Variants in ADK observed in about 807,000 individuals in gnomAD.
ADK encodes adenosine kinase.
A neutral mutation model predicts 44.7 loss-of-function variants in ADK; 24 were observed. That is an observed-to-expected ratio of 0.54 (90% confidence interval 0.39 to 0.76). The LOEUF is 0.76. Ranked by LOEUF, ADK falls within the 30% of genes least tolerant of loss-of-function variation. ADK has a pLI of 0.00. For synonymous variants in ADK, 128 were observed against 142.6 expected, an observed-to-expected ratio of 0.90 and a Z score of 0.73; for missense variants, 321 against 425.1, an observed-to-expected ratio of 0.76 and a Z score of 2.15.
intron 3 of ADK, among the ~76,000 whole-genome samples, chr10:74,273,427 A>G (rs541536999): frequency 5.5e-4 from 83 of 151,538 alleles, no homozygotes; most frequent in African/African-American, 1.9e-3. Context: ...CCTCTGCCCA[A>G]TTCGGCTTTC....
chr10:74,342,832 G>C (rs1265000678), intron 4 of ADK, among the ~76,000 whole-genome samples: 1 of 127,608 alleles, frequency 7.8e-6, no homozygotes, highest in East Asian at 2.2e-4. Context: ...TATTGATCTT[G>C]TATCCTACAG....
At chr10:74,496,433 G>C (rs1847689963) in intron 6 of ADK, among the ~76,000 whole-genome samples, 1 of 152,170 alleles carries the variant, frequency 6.6e-6, no homozygotes, top group South Asian at 2.1e-4. Flanking sequence ...ATAAGCATCT[G>C]GCATTTCCGC....
At chr10:74,267,629 AG>A (rs1466034339) in intron 3 of ADK, among the ~76,000 whole-genome samples, 1 of 152,146 alleles carries the variant, frequency 6.6e-6, no homozygotes, top group Non-Finnish European at 1.5e-5. Context: ...ATATCTAAAA[AG>A]ATGTTGGTAT....
intron 10 of ADK, among the ~76,000 whole-genome samples, chr10:74,674,009 G>A (rs1855290527): frequency 6.6e-6 from 1 of 152,060 alleles, no homozygotes; most frequent in Admixed American, 6.6e-5. Flanking sequence ...CTGAGCCTGG[G>A]GTTTTTATGG....
intron 7 of ADK, among the ~76,000 whole-genome samples, chr10:74,539,094 G>C (rs1001699602): frequency 5.3e-5 from 8 of 152,072 alleles, no homozygotes; most frequent in African/African-American, 1.9e-4. Flanking sequence ...TGGAGCACAT[G>C]TTTGGGAGGA....
chr10:74,478,343 C>G (rs556944258), intron 6 of ADK, among the ~76,000 whole-genome samples: 2 of 152,202 alleles, frequency 1.3e-5, no homozygotes, highest in African/African-American at 2.4e-5. Context: ...CCTCAGCCTC[C>G]TGAGTGTCAG....
chr10:74,161,961 T>C (rs529314744), intron 1 of ADK, among the ~76,000 whole-genome samples: 2 of 152,248 alleles, frequency 1.3e-5, no homozygotes, highest in African/African-American at 4.8e-5. Context: ...TGCCTCGGCC[T>C]CCTAAAGTGC....
chr10:74,275,868 T>C (rs1846652560), intron 3 of ADK, among the ~76,000 whole-genome samples: 1 of 152,144 alleles, frequency 6.6e-6, no homozygotes, highest in African/African-American at 2.4e-5. Flanking sequence ...CTTTAACTCC[T>C]GACCTCAGGT....
chr10:74,360,815 C>T (rs910917699), intron 4 of ADK, among the ~76,000 whole-genome samples: 13 of 152,264 alleles, frequency 8.5e-5, no homozygotes, highest in African/African-American at 2.9e-4. Flanking sequence ...CCTTCACTTT[C>T]AGCATCTATG....
chr10:74,209,183 A>G (rs930536379), intron 2 of ADK, among the ~76,000 whole-genome samples: 7 of 152,198 alleles, frequency 4.6e-5, no homozygotes, highest in Non-Finnish European at 8.8e-5. Context: ...GAATGGGGTT[A>G]GCACACTTGT....
chr10:74,193,621 T>A (rs768007126), intron 1 of ADK, among the ~76,000 whole-genome samples: 34 of 151,790 alleles, frequency 2.2e-4, no homozygotes, highest in Non-Finnish European at 8.8e-5. Context: ...CCAGTCTCTA[T>A]TAAAAAGAAA....
chr10:74,404,549 A>G (rs1843840780), intron 6 of ADK, among the ~76,000 whole-genome samples: 1 of 152,162 alleles, frequency 6.6e-6, no homozygotes, highest in Admixed American at 6.5e-5. Flanking sequence ...CCAGATATAT[A>G]GTTCTAGTTT....
chr10:74,249,803 C>T (rs572138283), intron 3 of ADK, among the ~76,000 whole-genome samples: 2 of 152,162 alleles, frequency 1.3e-5, no homozygotes, highest in Non-Finnish European at 2.9e-5. Context: ...ATTACCAGAT[C>T]ATTCAGTTCT....
At chr10:74,318,291 C>T (rs531173808) in intron 4 of ADK, among the ~76,000 whole-genome samples, 2 of 152,244 alleles carry the variant, frequency 1.3e-5, no homozygotes, top group South Asian at 2.1e-4. Context: ...TCTCCACCTC[C>T]ATCTCCTAGG....
chr10:74,452,392 G>A (rs1347150005), intron 6 of ADK, among the ~76,000 whole-genome samples: 1 of 151,918 alleles, frequency 6.6e-6, no homozygotes, highest in Non-Finnish European at 1.5e-5. Context: ...CTAATTGATT[G>A]ACACATATGA....
intron 10 of ADK, among the ~76,000 whole-genome samples, chr10:74,683,337 C>T (rs532411279): frequency 6.6e-5 from 10 of 152,308 alleles, no homozygotes; most frequent in Non-Finnish European, 1.0e-4. Flanking sequence ...GTTGTGCAAC[C>T]TATTTGAAGT....
chr10:74,214,526 C>T (rs1843942789), intron 2 of ADK, among the ~76,000 whole-genome samples: 1 of 152,030 alleles, frequency 6.6e-6, no homozygotes, highest in Non-Finnish European at 1.5e-5. Flanking sequence ...TGCTATGTAC[C>T]AAGTCTTAAC....
chr10:74,561,235 T>G (rs918779458), intron 7 of ADK, among the ~76,000 whole-genome samples: 1 of 152,248 alleles, frequency 6.6e-6, no homozygotes, highest in Non-Finnish European at 1.5e-5. Context: ...TTTATTTTCT[T>G]GCTTATTCCA....
intron 6 of ADK, among the ~76,000 whole-genome samples, chr10:74,518,108 T>C (rs1848665923): frequency 6.6e-6 from 1 of 152,206 alleles, no homozygotes; most frequent in African/African-American, 2.4e-5. Flanking sequence ...GAAAGCATGC[T>C]ATATGGTTGT....
Sources: gnomAD v4.1 joint callset for allele counts (sites outside exome capture counted in the v4.1 genomes callset) on GRCh38, gnomAD v4.1.1 for gene constraint, MANE v1.5 for transcripts, NCBI Gene and HGNC (gene_info 2026-07-23, HGNC 2026-07-21) for gene names.